The following TRMT11 variants were observed in gnomAD, a reference collection of about 807,000 sequenced individuals.
TRMT11 encodes the protein tRNA methyltransferase 11.
A neutral mutation model predicts 62.8 loss-of-function variants in TRMT11; 53 were observed. The ratio of observed to expected loss-of-function variants is 0.84; its 90% CI spans 0.68 to 1.06. The LOEUF (loss-of-function observed/expected upper bound fraction) is 1.06. Among genes scored for constraint, TRMT11 ranks in the 50% least tolerant of loss-of-function variants. TRMT11 has a pLI of 0.00. For missense variants in TRMT11, 556 were observed against 553.4 expected, an observed-to-expected ratio of 1.00 and a Z score of -0.05; for synonymous variants, 188 against 190.3, an observed-to-expected ratio of 0.99 and a Z score of 0.10.
intron 7 of TRMT11, among the ~76,000 whole-genome samples, chr6:126,000,408 T>C (rs538377608): frequency 4.1e-4 from 62 of 152,276 alleles, no homozygotes; most frequent in African/African-American, 1.5e-3. Flanking sequence ...GAATAGTAAA[T>C]GTATCAGGTA....
At chr6:126,270,895 A>G in the TRMT11 span, among the ~76,000 whole-genome samples, 6 of 152,168 alleles carry the variant, frequency 3.9e-5, no homozygotes, top group Non-Finnish European at 7.4e-5. Flanking sequence ...AAAGCACATC[A>G]TGTGTTCTTA....
chr6:126,213,507 A>G, the TRMT11 span, among the ~76,000 whole-genome samples: 1 of 152,022 alleles, frequency 6.6e-6, no homozygotes, highest in Non-Finnish European at 1.5e-5. Context: ...ATTTGTTGCT[A>G]TTGTAAATGG....
chr6:126,180,298 C>T (rs780759256), intron 1 of TRMT11, among the ~76,000 whole-genome samples: 18 of 151,980 alleles, frequency 1.2e-4, no homozygotes, highest in Admixed American at 3.9e-4. Context: ...AGAATTTGTA[C>T]CAGAGAGCTA....
intron 11 of TRMT11, among the ~76,000 whole-genome samples, chr6:126,019,268 G>A (rs1317594595): frequency 6.6e-6 from 1 of 152,160 alleles, no homozygotes; most frequent in East Asian, 1.9e-4. Flanking sequence ...TAATATAATA[G>A]ATTAATTGTT....
chr6:126,258,209 C>A, the TRMT11 span: 2 of 665,458 alleles, frequency 3.0e-6, no homozygotes, highest in Non-Finnish European at 5.8e-6. Flanking sequence ...CTTCCCTTGG[C>A]GCCTCACTGG....
chr6:126,131,494 A>C (rs899924548), intron 21 of TRMT11, among the ~76,000 whole-genome samples: 1 of 152,034 alleles, frequency 6.6e-6, no homozygotes, highest in Non-Finnish European at 1.5e-5. Flanking sequence ...TCCTCAACTC[A>C]ACACATAAAG....
the TRMT11 span, among the ~76,000 whole-genome samples, chr6:126,234,243 A>G: frequency 5.9e-5 from 9 of 152,294 alleles, no homozygotes; most frequent in Middle Eastern, 3.4e-3. Context: ...CCTAGTTGAA[A>G]GTTCACACAG....
chr6:126,155,725 C>A (rs1242996383), intron 21 of TRMT11, among the ~76,000 whole-genome samples: 1 of 152,118 alleles, frequency 6.6e-6, no homozygotes, highest in African/African-American at 2.4e-5. Flanking sequence ...GTTATTAAAT[C>A]TCTTTTTCTT....
intron 21 of TRMT11, among the ~76,000 whole-genome samples, chr6:126,131,888 T>C (rs1272285501): frequency 2.0e-5 from 3 of 152,018 alleles, no homozygotes; most frequent in Non-Finnish European, 4.4e-5. Context: ...ATAAATACAA[T>C]ATGCCTTGCT....
chr6:126,105,502 A>G (rs904363866), intron 17 of TRMT11, among the ~76,000 whole-genome samples: 3 of 152,110 alleles, frequency 2.0e-5, no homozygotes, highest in African/African-American at 2.4e-5. Flanking sequence ...AAGTACCTGG[A>G]AGCCAGATGA....
intron 21 of TRMT11, among the ~76,000 whole-genome samples, chr6:126,151,314 T>C (rs899800917): frequency 7.8e-4 from 119 of 152,172 alleles, no homozygotes; most frequent in African/African-American, 2.8e-3. Context: ...TTGCTTAAGT[T>C]CCCTTAGCAA....
intron 1 of TRMT11, among the ~76,000 whole-genome samples, chr6:126,180,347 T>C (rs1055031944): frequency 2.0e-5 from 3 of 152,174 alleles, no homozygotes; most frequent in South Asian, 2.1e-4. Flanking sequence ...GTCCAAGCCA[T>C]AGTAATTATT....
At chr6:126,229,655 G>C in the TRMT11 span, among the ~76,000 whole-genome samples, 1 of 152,194 alleles carries the variant, frequency 6.6e-6, no homozygotes, top group South Asian at 2.1e-4. Flanking sequence ...ATTTTTTAAA[G>C]GCTTATTTCT....
At chr6:126,157,583 A>G (rs967184039) in intron 21 of TRMT11, among the ~76,000 whole-genome samples, 4 of 152,236 alleles carry the variant, frequency 2.6e-5, no homozygotes, top group African/African-American at 7.2e-5. Flanking sequence ...AAGGAGAACT[A>G]TAGGAAAGTT....
intron 21 of TRMT11, among the ~76,000 whole-genome samples, chr6:126,131,656 A>G (rs78641547): frequency 1.8e-4 from 27 of 152,006 alleles, no homozygotes; most frequent in African/African-American, 4.8e-4. Flanking sequence ...CTACCACATC[A>G]GTTTCAGGCT....
At chr6:126,162,477 G>A (rs1248952980) in intron 21 of TRMT11, among the ~76,000 whole-genome samples, 1 of 152,176 alleles carries the variant, frequency 6.6e-6, no homozygotes, top group Non-Finnish European at 1.5e-5. Flanking sequence ...TTGTAGTATA[G>A]TTTGAAGTCA....
intron 21 of TRMT11, among the ~76,000 whole-genome samples, chr6:126,151,243 C>T (rs1778034484): frequency 6.6e-6 from 1 of 152,058 alleles, no homozygotes; most frequent in Admixed American, 6.6e-5. Context: ...CGCTATGATG[C>T]CCTTTGAGAA....
At chr6:126,260,027 A>G in the TRMT11 span, among the ~76,000 whole-genome samples, 1 of 152,102 alleles carries the variant, frequency 6.6e-6, no homozygotes, top group Non-Finnish European at 1.5e-5. Flanking sequence ...CAGCTACTCT[A>G]TATTTTTTAA....
chr6:126,042,152 T>C (rs549381215), downstream of TRMT11, among the ~76,000 whole-genome samples: 1 of 152,286 alleles, frequency 6.6e-6, no homozygotes, highest in African/African-American at 2.4e-5. Flanking sequence ...TAAAGAATTA[T>C]AATGGAATGG....
Sources: gnomAD v4.1 joint callset for allele counts (sites outside exome capture counted in the v4.1 genomes callset) on GRCh38, gnomAD v4.1.1 for gene constraint, MANE v1.5 for transcripts, NCBI Gene and HGNC (gene_info 2026-07-23, HGNC 2026-07-21) for gene names.